Variants in USP25 observed in about 807,000 individuals in gnomAD.
USP25 encodes the protein ubiquitin carboxyl-terminal hydrolase 25.
In USP25, 85 loss-of-function variants were observed where a neutral mutation model predicts 158.5. That is an observed-to-expected ratio of 0.54 (90% CI 0.45 to 0.64). USP25 has a LOEUF of 0.64. USP25 is among the 30% of genes least tolerant of loss of function. USP25 has a pLI of 0.00. For synonymous variants in USP25, 464 were observed against 460.4 expected, an observed-to-expected ratio of 1.01 and a Z score of -0.10; for missense variants, 1,242 against 1,327.3, an observed-to-expected ratio of 0.94 and a Z score of 1.00.
chr21:15,811,007 A>G, intron 8 of USP25, 130 bp from the exon 9 acceptor site: 1 of 736,038 alleles, frequency 1.4e-6, no homozygotes, highest in Admixed American at 2.7e-5. Context: ...TGTAAATAAC[A>G]GAGCTAAATG....
At chr21:15,829,221 A>G (rs951775364) in intron 14 of USP25, among the ~76,000 whole-genome samples, 11 of 152,090 alleles carry the variant, frequency 7.2e-5, no homozygotes, top group African/African-American at 1.7e-4. Context: ...GGTAAATTAC[A>G]TGTCTTGGGG....
Position 15,847,739 on chromosome 21 carries a change from T to G in USP25, c.2414T>G (p.Phe805Cys). Residue 805 changes from phenylalanine (F) to cysteine (C), a missense_variant, in exon 19 of 26, where the codon TTT becomes TGT. By Grantham distance (205) the Phe-to-Cys change is radical. Around this residue, in one of 3 missense-constraint regions of USP25, gnomAD observed 608 missense variants for 605.2 expected, o/e 1.00. Coordinates refer to ENST00000400183, the MANE Select transcript of USP25 (RefSeq NM_001283041.3). ...GTGGCGATCCCTCATGTAGGGAAAT[T>G]TATGATTGAATCAAAGGAGGGGGGG... ...VEVAIPHVGK[F>C]MIESKEGGYD... The G allele has an allele frequency of 6.5e-7, 1 of 1,550,190 alleles. No individual in the cohort carries two copies. The highest frequency in any genetic ancestry group is 8.7e-7 in the Non-Finnish European group (1 of 1,146,638).
chr21:15,861,221 G>A (rs2039415131), intron 20 of USP25, among the ~76,000 whole-genome samples: 1 of 151,998 alleles, frequency 6.6e-6, no homozygotes, highest in Non-Finnish European at 1.5e-5. Flanking sequence ...AAGAAACAAA[G>A]GCATGTGTGC....
intron 18 of USP25, among the ~76,000 whole-genome samples, 158 bp from the exon 19 acceptor site, chr21:15,847,505 A>G (rs1240254880): frequency 6.6e-6 from 1 of 152,194 alleles, no homozygotes; most frequent in African/African-American, 2.4e-5. Context: ...ATGTGCTTAA[A>G]CAGTTTAATA....
At chr21:15,865,541 T>C (rs1390916666) in intron 21 of USP25, among the ~76,000 whole-genome samples, 1 of 152,212 alleles carries the variant, frequency 6.6e-6, no homozygotes, top group African/African-American at 2.4e-5. Context: ...AGTAGCAGTG[T>C]GGACATCATT....
chr21:15,811,217 T>G lies in USP25; in HGVS notation c.931+7T>G, dbSNP rs1568835775. 3.7e-6 allele frequency: 6 copies of G among 1,603,410 alleles called. No individual in the cohort carries two copies. In the Admixed American group the frequency reaches 1.0e-4, roughly 28 times the overall value. ...GCTGTGGGAGTACTTGAAGGTAGAGTTATACATTTACTTTTTATTGCAAGT... is the reference window on the plus strand; with the variant it reads ...GCTGTGGGAGTACTTGAAGGTAGAGGTATACATTTACTTTTTATTGCAAGT... On this transcript the variant is annotated splice_region_variant and intron_variant, in intron 9 of 25. Coordinates refer to ENST00000400183, the MANE Select transcript of USP25 (RefSeq NM_001283041.3).
chr21:15,762,502 A>G lies in USP25; in HGVS notation c.46-389A>G, dbSNP rs138173339. On this transcript the variant is annotated intron_variant, in intron 1 of 25. Transcript: ENST00000400183. ...CCGTGGTATAATTACCCACCGAGTT[A>G]TGTCTTGCCGAAAGCATGTCTTTTC... Among the ~76,000 whole-genome samples, 162 of 151,586 alleles carry G rather than the reference A, an allele frequency of 1.1e-3. 2 individuals are homozygous for G. In the East Asian group the frequency reaches 0.014, roughly 13 times the overall value.
chr21:15,750,699 C>T (rs9680115), intron 1 of USP25, among the ~76,000 whole-genome samples: 5,785 of 152,008 alleles, frequency 0.038, 161 homozygotes, highest in Middle Eastern at 0.14. Flanking sequence ...CTCCGCCTCC[C>T]AGGTTCACAC....
intron 17 of USP25, among the ~76,000 whole-genome samples, chr21:15,839,343 G>A (rs189404903): frequency 7.2e-5 from 11 of 152,248 alleles, no homozygotes; most frequent in Non-Finnish European, 1.5e-5. Context: ...TAGGGTTAGA[G>A]GATGAACAAC....
Position 15,849,802 on chromosome 21 carries a change from G to A in USP25, c.2477G>A (p.Gly826Asp), listed in dbSNP as rs1363055481. 4 of 1,542,678 alleles carry A rather than the reference G, an allele frequency of 2.6e-6. No individual in the cohort carries two copies. In the African/African-American group the frequency reaches 4.1e-5, roughly 16 times the overall value. ...ATCATGATGACACCGAACATGCAAGGTATTATCATGGCGATAGGTAAATCC... is the reference window on the plus strand; with the variant it reads ...ATCATGATGACACCGAACATGCAAGATATTATCATGGCGATAGGTAAATCC... ...DEIMMTPNMQ[G>D]IIMAIGKSRS... The change falls in exon 20 of 26, where the codon GGT becomes GAT. Residue 826 changes from glycine to aspartate, a missense_variant. Gly to Asp is a moderately conservative substitution (Grantham distance 94). Transcript: ENST00000400183.
rs114431402 is a variant in USP25, at chr21:15,860,328, A to G, written c.2548-3940A>G. Among the ~76,000 whole-genome samples, 360 of 151,730 alleles carry G rather than the reference A, an allele frequency of 2.4e-3. 5 individuals carry two copies. The highest frequency in any genetic ancestry group is 8.4e-3 in the African/African-American group (349 of 41,358). The stretch of plus-strand genomic sequence containing the variant: ...TCACCATGCCTGGCTAATTTTTCCT[A>G]TTTTTTAGTAGAGACAGGGTTTCAC... On this transcript the variant is annotated intron_variant, in intron 20 of 25. Coordinates refer to ENST00000400183, the MANE Select transcript of USP25 (RefSeq NM_001283041.3).
At chr21:15,754,758 A>G (rs2033265330) in intron 1 of USP25, among the ~76,000 whole-genome samples, 2 of 152,220 alleles carry the variant, frequency 1.3e-5, no homozygotes, top group South Asian at 4.1e-4. Context: ...TCCTCAGACA[A>G]GTCATAGAAT....
At chr21:15,819,575 A>T (rs1442415338) in intron 10 of USP25, among the ~76,000 whole-genome samples, 1 of 152,118 alleles carries the variant, frequency 6.6e-6, no homozygotes, top group Non-Finnish European at 1.5e-5. Context: ...TATCTGTGTC[A>T]TTCACTATTA....
chr21:15,860,953 CATATAT>C lies in USP25; in HGVS notation c.2548-3297_2548-3292del, dbSNP rs140631215. Among the ~76,000 whole-genome samples the C allele has an allele frequency of 3.9e-3, 571 of 145,718 alleles. 5 individuals are homozygous for C. Among genetic ancestry groups the C allele is most frequent in the African/African-American group, 0.014 (542 of 39,906 alleles). ...CACATATATATATATTTGGTATCTT[CATATAT>C]ATATATATATATATATAGAGAGAGA... is the stretch of plus-strand genomic sequence containing the variant. On this transcript the variant is annotated intron_variant, in intron 20 of 25. Coordinates refer to ENST00000400183, the MANE Select transcript of USP25 (RefSeq NM_001283041.3).
chr21:15,781,803 C>G (rs1212179777), intron 4 of USP25, among the ~76,000 whole-genome samples: 2 of 152,122 alleles, frequency 1.3e-5, no homozygotes, highest in African/African-American at 4.8e-5. Flanking sequence ...AGAGAGTTCC[C>G]CAGTCCTCAC....
At chr21:15,760,183 C>T (rs2033643624) in intron 1 of USP25, among the ~76,000 whole-genome samples, 1 of 152,222 alleles carries the variant, frequency 6.6e-6, no homozygotes, top group Non-Finnish European at 1.5e-5. Context: ...TATGAGTGGC[C>T]ATGCAACTGT....
chr21:15,826,548 T>C lies in USP25; in HGVS notation c.1466+183T>C, dbSNP rs1458220562. Among the ~76,000 whole-genome samples the C allele has an allele frequency of 1.3e-5, 2 of 152,218 alleles. No homozygotes were observed. Among genetic ancestry groups the C allele is most frequent in the Admixed American group, 1.3e-4 (2 of 15,284 alleles). On this transcript the variant is annotated intron_variant, in intron 13 of 25. Coordinates refer to ENST00000400183, the MANE Select transcript of USP25 (RefSeq NM_001283041.3). This position sits in a 1 kb window ranked among gnomAD's most constrained non-coding sequence, Gnocchi z 4.8. ...GTTTTTTTATTATTTCAGTAGATTT[T>C]ATGGTTATGGATTAAAATTTTAATC... is the stretch of plus-strand genomic sequence containing the variant.
rs73892537 is a variant in USP25, at chr21:15,790,385, C to G, written c.393-1117C>G. On this transcript the variant is annotated intron_variant, in intron 4 of 25. Transcript: ENST00000400183. ...TTTATTGATTCCCAAAGACTGACTT[C>G]TGTATTCACATGGATATTTTAGATT... Among the ~76,000 whole-genome samples, 1,399 of 152,066 alleles carry G rather than the reference C, an allele frequency of 9.2e-3. 18 individuals carry two copies. Among genetic ancestry groups the G allele is most frequent in the African/African-American group, 0.031 (1,295 of 41,498 alleles).
chr21:15,839,622 T>C (rs2038231215), intron 17 of USP25, among the ~76,000 whole-genome samples: 1 of 152,178 alleles, frequency 6.6e-6, no homozygotes, highest in Non-Finnish European at 1.5e-5. Context: ...TCCACATTTT[T>C]CTTGTTTGTT....
Sources: gnomAD v4.1 joint callset for allele counts (sites outside exome capture counted in the v4.1 genomes callset) on GRCh38, gnomAD v4.1.1 for gene constraint, gnomAD v4.1.1 regional missense constraint, Gnocchi (gnomAD v3.1) non-coding constraint, MANE v1.5 for transcripts, NCBI Gene and HGNC (gene_info 2026-07-23, HGNC 2026-07-21) for gene names.